MAST4: variants seen among roughly 807,000 people sequenced by gnomAD.
MAST4 encodes microtubule-associated serine/threonine-protein kinase 4.
In MAST4, 89 loss-of-function variants were observed where a neutral mutation model predicts 162.7. The observed-to-expected ratio is 0.55, with a 90% CI of 0.46 to 0.65. The LOEUF is 0.65. Among genes scored for constraint, MAST4 ranks in the 30% least tolerant of loss-of-function variants. MAST4 has a pLI of 0.00. For synonymous variants in MAST4, 1,479 were observed against 1,361.1 expected (o/e 1.09, Z -1.91); for missense variants, 3,153 against 3,374.0 (o/e 0.93, Z 1.62).
At chr5:66,976,942 G>C (rs994647410) in intron 4 of MAST4, among the ~76,000 whole-genome samples, 1 of 152,074 alleles carries the variant, frequency 6.6e-6, no homozygotes, top group Non-Finnish European at 1.5e-5. Context: ...GATGATGATT[G>C]GAAATATAAA....
Position 67,166,293 on chromosome 5 carries a change from A to T in MAST4, c.7114A>T (p.Lys2372Ter). The T allele has an allele frequency of 6.4e-7, 1 of 1,565,184 alleles. No homozygotes were observed. The highest frequency in any genetic ancestry group is 8.7e-7 in the Non-Finnish European group (1 of 1,154,638). ...AANTDRRAEG[K>*]KCTEALYAPA... ...CAACACCGACAGAAGGGCGGAAGGG[A>T]AGAAATGCACTGAAGCACTTTATGC... The change falls in exon 29 of 29, where the codon AAG becomes TAG. Residue 2372 changes from lysine to a stop codon, truncating the protein, a stop_gained. Transcript: ENST00000403625. LOFTEE classifies it low-confidence loss of function (END_TRUNC).
chr5:67,059,097 G>A (rs1032923698), intron 5 of MAST4, among the ~76,000 whole-genome samples: 1 of 152,316 alleles, frequency 6.6e-6, no homozygotes, highest in Non-Finnish European at 1.5e-5. Flanking sequence ...CCATGCAGTT[G>A]TGGACAGATT....
chr5:67,032,767 A>G (rs1004181455), intron 4 of MAST4, among the ~76,000 whole-genome samples: 3 of 152,192 alleles, frequency 2.0e-5, no homozygotes, highest in East Asian at 1.9e-4. Context: ...TGAGAACAAC[A>G]GAATTCAAAA....
intron 3 of MAST4, among the ~76,000 whole-genome samples, chr5:66,811,073 C>T (rs762768715): frequency 1.3e-5 from 2 of 152,174 alleles, no homozygotes; most frequent in African/African-American, 2.4e-5. Context: ...GCACAGGAAC[C>T]GGGCAGAGAC....
chr5:66,846,763 A>G (rs1758884742), intron 3 of MAST4, among the ~76,000 whole-genome samples: 1 of 152,220 alleles, frequency 6.6e-6, no homozygotes, highest in African/African-American at 2.4e-5. Context: ...GTTGCTGTTT[A>G]AGTTAATTTT....
At chr5:67,131,694 ACTATGATATGCTGTGT>A (rs1389109102) in intron 15 of MAST4, 103 bp from the exon 16 acceptor site, 46 of 930,364 alleles carry the variant, frequency 4.9e-5, no homozygotes, top group Non-Finnish European at 7.3e-5. Flanking sequence ...TCCAGTTGTG[ACTATGATATGCTGTGT>A]CTATGGGTAG....
intron 4 of MAST4, among the ~76,000 whole-genome samples, chr5:67,021,512 A>T (rs1202117858): frequency 1.3e-5 from 2 of 152,252 alleles, no homozygotes; most frequent in Non-Finnish European, 2.9e-5. Flanking sequence ...ACCTTCTGAA[A>T]TCTTAAACCA....
At chr5:66,924,543 G>A (rs1012115756) in intron 4 of MAST4, among the ~76,000 whole-genome samples, 5 of 151,754 alleles carry the variant, frequency 3.3e-5, no homozygotes, top group African/African-American at 7.3e-5. Flanking sequence ...ATAGGCGTCC[G>A]CCACCGCGTC....
At chr5:67,004,091 C>T (rs1464761400) in intron 4 of MAST4, 1 of 152,276 alleles carries the variant, frequency 6.6e-6, no homozygotes, top group Non-Finnish European at 1.5e-5. Context: ...AGCACACACC[C>T]GGAGCAGCCG....
chr5:67,037,163 G>A (rs1429076047), intron 4 of MAST4, among the ~76,000 whole-genome samples: 2 of 152,146 alleles, frequency 1.3e-5, no homozygotes, highest in South Asian at 4.1e-4. Context: ...GGGAGGCTGA[G>A]GTAGGAGAAT....
chr5:67,027,832 G>A (rs1754846699), intron 4 of MAST4, among the ~76,000 whole-genome samples: 1 of 152,190 alleles, frequency 6.6e-6, no homozygotes. Context: ...GATATGCAGA[G>A]GAGATTTCAC....
intron 5 of MAST4, among the ~76,000 whole-genome samples, chr5:67,088,970 T>C (rs1228121108): frequency 6.6e-6 from 1 of 152,234 alleles, no homozygotes; most frequent in Admixed American, 6.5e-5. Context: ...GTCTATTCTT[T>C]CTGCACACTG....
intron 3 of MAST4, among the ~76,000 whole-genome samples, chr5:66,849,986 T>G (rs1330158894): frequency 6.6e-6 from 1 of 152,158 alleles, no homozygotes; most frequent in East Asian, 1.9e-4. Flanking sequence ...GGCAATTATT[T>G]ATAGTGGTTA....
At chr5:66,906,521 G>A (rs554411749) in intron 4 of MAST4, among the ~76,000 whole-genome samples, 3 of 152,234 alleles carry the variant, frequency 2.0e-5, no homozygotes, top group African/African-American at 4.8e-5. Context: ...CCCTCTGACC[G>A]CAAAGGGGAT....
At chr5:67,027,834 A>G (rs113671959) in intron 4 of MAST4, among the ~76,000 whole-genome samples, 264 of 152,320 alleles carry the variant, frequency 1.7e-3, no homozygotes, top group African/African-American at 6.1e-3. Flanking sequence ...TATGCAGAGG[A>G]GATTTCACTT....
intron 3 of MAST4, among the ~76,000 whole-genome samples, chr5:66,816,185 T>G (rs1273639593): frequency 6.6e-6 from 1 of 152,190 alleles, no homozygotes; most frequent in Non-Finnish European, 1.5e-5. Flanking sequence ...TAACACAAAT[T>G]TGTAAACTTT....
intron 27 of MAST4, among the ~76,000 whole-genome samples, chr5:67,161,987 A>G (rs1303348144): frequency 6.6e-6 from 1 of 152,200 alleles, no homozygotes; most frequent in Middle Eastern, 3.2e-3. Flanking sequence ...GTGCTCATTG[A>G]GTACCAAATC....
chr5:67,038,788 T>G (rs1756358031), intron 4 of MAST4, among the ~76,000 whole-genome samples: 1 of 152,162 alleles, frequency 6.6e-6, no homozygotes, highest in Admixed American at 6.5e-5. Context: ...TAGCATCAAA[T>G]TTTTGGTGTA....
chr5:66,914,034 G>C (rs1763945144), intron 4 of MAST4, among the ~76,000 whole-genome samples: 1 of 151,996 alleles, frequency 6.6e-6, no homozygotes, highest in African/African-American at 2.4e-5. Flanking sequence ...TTTATAATAA[G>C]TCTTGATCTC....
Sources: gnomAD v4.1 joint callset for allele counts (sites outside exome capture counted in the v4.1 genomes callset) on GRCh38, gnomAD v4.1.1 for gene constraint, MANE v1.5 for transcripts, NCBI Gene and HGNC (gene_info 2026-07-23, HGNC 2026-07-21) for gene names.